DTNBP1: variants seen among roughly 807,000 people sequenced by gnomAD.
DTNBP1 encodes the protein dystrobrevin binding protein 1.
A neutral mutation model predicts 42.8 loss-of-function variants in DTNBP1; 35 were observed. The observed-to-expected ratio is 0.82, with a 90% CI of 0.63 to 1.09. The LOEUF (loss-of-function observed/expected upper bound fraction) is 1.09. DTNBP1 is among the 50% of genes least tolerant of loss of function. DTNBP1 has a pLI of 0.00. For synonymous variants in DTNBP1, 171 were observed against 162.2 expected (o/e 1.05, Z -0.41); for missense variants, 457 against 424.2 (o/e 1.08, Z -0.68).
At position 15,524,529 on chromosome 6, in the gene DTNBP1, A is replaced by T. The variant is rs1772216348; in HGVS notation, c.808T>A (p.Leu270Ile). The change falls in exon 9 of 10, where the codon TTA becomes ATA. Residue 270 changes from leucine (L) to isoleucine (I), a missense_variant. Transcript: ENST00000344537. Reference sequence around the variant, plus strand: ...AATGCAAGTTTGTCAACCCTACCTAAGGCGGGGGACAGCACAGTGTTCTCT... The same window carrying T: ...AATGCAAGTTTGTCAACCCTACCTATGGCGGGGGACAGCACAGTGTTCTCT... ...GEENTVLSPA[L>I]GPESSTCQNE... 6.2e-7 allele frequency: 1 copy of T among 1,607,708 alleles called. No homozygotes were observed. The highest frequency in any genetic ancestry group is 1.7e-5 in the Admixed American group (1 of 59,770).
At chr6:15,660,636 T>G in intron 1 of DTNBP1, 1 of 998,350 alleles carries the variant, frequency 1.0e-6, no homozygotes, top group Non-Finnish European at 1.4e-6. Context: ...CAAGGGGTTC[T>G]AACTAGATCC....
rs1047730316 is a variant in DTNBP1, at chr6:15,533,092, C to T, written c.667+148G>A. 43 of 1,214,040 alleles carry T rather than the reference C, an allele frequency of 3.5e-5. No homozygotes were observed. In the Middle Eastern group the frequency reaches 8.1e-4, roughly 23 times the overall value. The allele number at this position is 1,214,040 out of a possible 1,614,324, so 75.2% of individuals were successfully genotyped here. On this transcript the variant is annotated intron_variant, in intron 8 of 9. Coordinates refer to ENST00000344537, the MANE Select transcript of DTNBP1 (RefSeq NM_032122.5). ...CAAAAGCAGGGCAAGAGAGAGGTGG[C>T]CCGACGCACACATTTTGGTTGCTGG...
chr6:15,574,434 A>T (rs1265377006), intron 7 of DTNBP1, among the ~76,000 whole-genome samples: 1 of 152,244 alleles, frequency 6.6e-6, no homozygotes, highest in African/African-American at 2.4e-5. Flanking sequence ...GAGGCTGAGC[A>T]GGGAAGGACG....
chr6:15,584,712 T>C (rs1490546518), intron 7 of DTNBP1, among the ~76,000 whole-genome samples: 1 of 146,624 alleles, frequency 6.8e-6, no homozygotes, highest in Non-Finnish European at 1.5e-5. Context: ...TTTCTTTTTT[T>C]TTTTTTTTTT....
intron 9 of DTNBP1, chr6:15,524,129 G>A (rs773051801): frequency 3.4e-5 from 47 of 1,367,478 alleles, no homozygotes; most frequent in South Asian, 6.1e-5. Context: ...TGGCAGGCAC[G>A]CCCCTAAATG....
chr6:15,565,063 A>G (rs2113495250), intron 7 of DTNBP1, among the ~76,000 whole-genome samples: 1 of 152,342 alleles, frequency 6.6e-6, no homozygotes, highest in South Asian at 2.1e-4. Flanking sequence ...CAGAGATGGC[A>G]CCACTGCACT....
chr6:15,545,828 A>G (rs923987766), intron 7 of DTNBP1, among the ~76,000 whole-genome samples: 7 of 152,212 alleles, frequency 4.6e-5, no homozygotes, highest in African/African-American at 1.7e-4. Flanking sequence ...CACTGCAGGA[A>G]CAAGATGTGT....
At chr6:15,524,301 G>A (rs548204885) in intron 9 of DTNBP1, 102 of 1,610,284 alleles carry the variant, frequency 6.3e-5, no homozygotes, top group Non-Finnish European at 7.5e-5. Flanking sequence ...CAAAGTTACC[G>A]GAGTGGAGCA....
intron 1 of DTNBP1, among the ~76,000 whole-genome samples, chr6:15,661,578 G>A (rs1244545185): frequency 2.0e-5 from 3 of 150,984 alleles, no homozygotes; most frequent in Non-Finnish European, 4.4e-5. Flanking sequence ...TCCGGGAGGC[G>A]GCGGTTGCAG....
At chr6:15,578,673 T>TA (rs1243960530) in intron 7 of DTNBP1, among the ~76,000 whole-genome samples, 2 of 152,116 alleles carry the variant, frequency 1.3e-5, no homozygotes, top group East Asian at 3.8e-4. Context: ...TAAACTATAA[T>TA]AAAAACTGGA....
chr6:15,532,505 T>TA (rs147163522), intron 8 of DTNBP1, among the ~76,000 whole-genome samples: 8,291 of 152,120 alleles, frequency 0.055, 320 homozygotes, highest in African/African-American at 0.11. Flanking sequence ...GAAGAAAAGT[T>TA]AGAGACAAAG....
chr6:15,543,396 G>A (rs752449290), intron 7 of DTNBP1, among the ~76,000 whole-genome samples: 8 of 152,120 alleles, frequency 5.3e-5, no homozygotes, highest in Non-Finnish European at 8.8e-5. Context: ...AGTCACACAT[G>A]CGCTGTGCGT....
intron 7 of DTNBP1, among the ~76,000 whole-genome samples, chr6:15,568,017 A>G (rs1394310563): frequency 6.6e-6 from 1 of 152,216 alleles, no homozygotes; most frequent in Admixed American, 6.5e-5. Context: ...ATGCTGCCCC[A>G]AAATATGGTA....
intron 3 of DTNBP1, among the ~76,000 whole-genome samples, chr6:15,643,768 T>C (rs1243798621): frequency 6.6e-6 from 1 of 152,074 alleles, no homozygotes; most frequent in East Asian, 1.9e-4. Context: ...AGACTGGACC[T>C]ACAGGAAATG....
intron 7 of DTNBP1, among the ~76,000 whole-genome samples, chr6:15,546,926 C>CTTTCT (rs1773913636): frequency 8.6e-6 from 1 of 116,172 alleles, no homozygotes; most frequent in Admixed American, 8.8e-5. Context: ...TTCTTTCTTT[C>CTTTCT]TTTTTTTTTT....
At chr6:15,527,953 A>AG (rs1336388067) in intron 8 of DTNBP1, among the ~76,000 whole-genome samples, 3 of 152,192 alleles carry the variant, frequency 2.0e-5, no homozygotes, top group African/African-American at 7.2e-5. Flanking sequence ...CTCTTCAAAT[A>AG]GAGTAGTCAC....
intron 7 of DTNBP1, among the ~76,000 whole-genome samples, chr6:15,545,429 C>A (rs1773811829): frequency 6.6e-6 from 1 of 152,182 alleles, no homozygotes; most frequent in Non-Finnish European, 1.5e-5. Flanking sequence ...AAAGTTAACA[C>A]ACGTTTTCAA....
chr6:15,590,786 A>C (rs887903590), intron 7 of DTNBP1, among the ~76,000 whole-genome samples: 6 of 152,218 alleles, frequency 3.9e-5, no homozygotes, highest in African/African-American at 1.4e-4. Flanking sequence ...TAACTCATCA[A>C]CCTCAATGGA....
intron 7 of DTNBP1, 44 bp downstream of exon 7, chr6:15,593,015 T>C: frequency 6.4e-7 from 1 of 1,554,578 alleles, no homozygotes; most frequent in Non-Finnish European, 8.8e-7. Flanking sequence ...CTGATACCAA[T>C]GAACTCTCAA....
Sources: allele counts gnomAD v4.1 joint callset (sites outside exome capture counted in the v4.1 genomes callset), GRCh38; gene constraint gnomAD v4.1.1; transcripts MANE v1.5; gene names NCBI Gene and HGNC (gene_info 2026-07-23, HGNC 2026-07-21).